RPP30: variants seen among roughly 807,000 people sequenced by gnomAD.
The protein encoded by RPP30 is ribonuclease P protein subunit p30.
RPP30 carries 36 observed loss-of-function variants against 38.6 expected under a neutral mutation model. The ratio of observed to expected loss-of-function variants is 0.93; its 90% CI spans 0.71 to 1.23. RPP30 has a LOEUF of 1.23. RPP30 is among the 50% of genes most tolerant of loss of function. The probability of loss-of-function intolerance (pLI) is 0.00; values close to 1 mark genes in which losing one functional copy is unlikely to be tolerated. For missense variants in RPP30, 321 were observed against 321.7 expected (o/e 1.00, Z 0.02); for synonymous variants, 126 against 112.7 (o/e 1.12, Z -0.75).
At position 90,896,309 on chromosome 10, in the gene RPP30, C is replaced by A. The variant is rs375210098; in HGVS notation, c.618-4C>A. On this transcript the variant is annotated splice_polypyrimidine_tract_variant and splice_region_variant and intron_variant, in intron 9 of 10. Transcript: ENST00000371703. ...TGGGTTGAAATCTTTAATGCTCCCC[C>A]AAGAGGCTTGCTGTTTGGGCTCTCT... The A allele has an allele frequency of 8.6e-5, 139 of 1,613,668 alleles. 1 individual carries two copies. Among genetic ancestry groups the A allele is most frequent in the Non-Finnish European group, 1.1e-4 (124 of 1,179,720 alleles).
downstream of RPP30, chr10:90,903,424 T>C (rs757441640): frequency 3.1e-5 from 18 of 586,270 alleles, no homozygotes; most frequent in Non-Finnish European, 4.6e-5. Context: ...TTTCATGTTA[T>C]AGAAAGGAGG....
At chr10:90,884,259 T>C (rs1246395790) in intron 5 of RPP30, among the ~76,000 whole-genome samples, 1 of 152,216 alleles carries the variant, frequency 6.6e-6, no homozygotes, top group Non-Finnish European at 1.5e-5. Context: ...TATAGGAGAC[T>C]CCACTTATAC....
chr10:90,880,302 T>A (rs1464799964), intron 5 of RPP30: 1 of 152,080 alleles, frequency 6.6e-6, no homozygotes, highest in Non-Finnish European at 1.5e-5. Flanking sequence ...CTAAGGATGC[T>A]AACGTGTGCG....
At chr10:90,888,968 A>G (rs910785470) in intron 6 of RPP30, among the ~76,000 whole-genome samples, 1 of 152,214 alleles carries the variant, frequency 6.6e-6, no homozygotes. Context: ...TTCATCTAGT[A>G]GAAGAGTAGG....
chr10:90,902,394 T>C (rs765700820), downstream of RPP30: 6 of 328,674 alleles, frequency 1.8e-5, no homozygotes, highest in Admixed American at 1.8e-4. Context: ...AATTTTTGTA[T>C]TTTTTTGTAG....
intron 6 of RPP30, among the ~76,000 whole-genome samples, chr10:90,893,433 C>A (rs1053675315): frequency 6.6e-6 from 1 of 152,154 alleles, no homozygotes; most frequent in Non-Finnish European, 1.5e-5. Context: ...ACCATTCTTT[C>A]TTTATTCTTT....
chr10:90,890,389 A>G (rs1323996532), intron 6 of RPP30, among the ~76,000 whole-genome samples: 1 of 152,098 alleles, frequency 6.6e-6, no homozygotes, highest in Non-Finnish European at 1.5e-5. Flanking sequence ...CTTCAAGCTT[A>G]TTGAGTTATT....
intron 6 of RPP30, among the ~76,000 whole-genome samples, chr10:90,889,419 C>T (rs1436970196): frequency 6.7e-6 from 1 of 149,762 alleles, no homozygotes; most frequent in Non-Finnish European, 1.5e-5. Flanking sequence ...AAGCAATTCT[C>T]CTGTCTCAGC....
At chr10:90,888,830 G>GA (rs1475425677) in intron 6 of RPP30, among the ~76,000 whole-genome samples, 1 of 152,194 alleles carries the variant, frequency 6.6e-6, no homozygotes, top group Non-Finnish European at 1.5e-5. Context: ...TCTGTCAAGT[G>GA]AGAGGGATAT....
intron 10 of RPP30, among the ~76,000 whole-genome samples, chr10:90,898,031 T>C (rs1204725957): frequency 6.6e-6 from 1 of 152,190 alleles, no homozygotes; most frequent in South Asian, 2.1e-4. Flanking sequence ...CCTTGTTCAT[T>C]CTATTTTTTT....
chr10:90,903,358 C>A, downstream of RPP30: 1 of 782,608 alleles, frequency 1.3e-6, no homozygotes, highest in South Asian at 1.7e-5. Flanking sequence ...CGACGTCCCA[C>A]CTTAATTTAT....
At chr10:90,885,778 C>T (rs377365180) in intron 5 of RPP30, 34 bp from the exon 6 acceptor site, 2 of 1,436,490 alleles carry the variant, frequency 1.4e-6, no homozygotes, top group South Asian at 2.3e-5. Context: ...GCCAATTTTC[C>T]TTTTGGCCTT....
At chr10:90,895,538 G>A (rs543242570) in intron 8 of RPP30, 55 bp downstream of exon 8, 448 of 983,578 alleles carry the variant, frequency 4.6e-4, no homozygotes, top group Non-Finnish European at 6.1e-4. Flanking sequence ...AAACTTTTCA[G>A]TTTCTAGGGG....
At chr10:90,903,261 G>C (rs533639771), downstream of RPP30, 2 of 1,607,374 alleles carry the variant, frequency 1.2e-6, no homozygotes, top group African/African-American at 1.3e-5. Flanking sequence ...AACAGGCTTT[G>C]ACCCTTCTTT....
Position 90,900,746 on chromosome 10 carries a change from A to G in RPP30, c.*67A>G, listed in dbSNP as rs376181731. 9.3e-5 allele frequency: 143 copies of G among 1,542,220 alleles called. 1 individual carries two copies. In the East Asian group the frequency reaches 1.2e-3, roughly 13 times the overall value. On this transcript the variant is annotated 3_prime_UTR_variant, in exon 11 of 11. Coordinates refer to ENST00000371703, the MANE Select transcript of RPP30 (RefSeq NM_006413.5). Reference sequence around the variant, plus strand: ...TTATAGTTCATCAGCCACAACAAAAATAAAACCTTTGTGTGATTTACTGTT... The same window carrying G: ...TTATAGTTCATCAGCCACAACAAAAGTAAAACCTTTGTGTGATTTACTGTT...
At position 90,875,554 on chromosome 10, in the gene RPP30, G is replaced by T. The variant is rs774367544; in HGVS notation, c.139-4G>T. 6 of 1,612,324 alleles carry T rather than the reference G, an allele frequency of 3.7e-6. No homozygotes were observed. The African/African-American group carries it at 5.3e-5, about 14-fold the overall frequency. On this transcript the variant is annotated splice_region_variant and splice_polypyrimidine_tract_variant and intron_variant, in intron 2 of 10. Transcript: ENST00000371703. ...CTGCAGTAACTATTTATCGTTTGTT[G>T]TAGGAAATTGAAAAACCAGTAGCTG...
chr10:90,880,315 A>G (rs1846909107), intron 5 of RPP30: 1 of 151,980 alleles, frequency 6.6e-6, no homozygotes, highest in African/African-American at 2.4e-5. Flanking sequence ...CGTGTGCGAT[A>G]AACATTAATA....
intron 6 of RPP30, among the ~76,000 whole-genome samples, chr10:90,891,595 G>C (rs1434659412): frequency 3.9e-5 from 6 of 152,156 alleles, no homozygotes; most frequent in Admixed American, 6.5e-5. Flanking sequence ...CTCAGTAGAG[G>C]TTTGGTTAAA....
intron 4 of RPP30, 44 bp from the exon 5 acceptor site, chr10:90,879,019 A>G (rs1421933049): frequency 1.3e-6 from 2 of 1,507,062 alleles, no homozygotes; most frequent in Non-Finnish European, 1.8e-6. Context: ...TTTCATGTGT[A>G]TGGATTTTGT....
Sources: allele counts gnomAD v4.1 joint callset (sites outside exome capture counted in the v4.1 genomes callset), GRCh38; gene constraint gnomAD v4.1.1; transcripts MANE v1.5; gene names NCBI Gene and HGNC (gene_info 2026-07-23, HGNC 2026-07-21).